Variants in CHERP observed in about 807,000 individuals in gnomAD.
CHERP encodes calcium homeostasis endoplasmic reticulum protein, also known as ERPROT 213-21.
Under a neutral mutation model 113.8 loss-of-function variants are expected in CHERP, and 8 were observed. The observed-to-expected ratio is 0.07, with a 90% CI of 0.04 to 0.13. The LOEUF is 0.13. Among genes scored for constraint, CHERP ranks in the 10% least tolerant of loss-of-function variants. The pLI is 1.00. For synonymous variants in CHERP, 559 were observed against 524.5 expected (o/e 1.07, Z -0.90); for missense variants, 884 against 1,298.2 (o/e 0.68, Z 4.90).
Position 16,519,784 on chromosome 19 carries a change from A to T in CHERP, c.2463-69T>A. ...ATTTATTGGAATGACAGTGATGAGG[A>T]CCTCACAGCCGCAGCTTGCGTGCAT... On this transcript the variant is annotated intron_variant, in intron 15 of 16. Transcript: ENST00000546361. The surrounding 1 kb of genome is among the most constrained non-coding windows in gnomAD (Gnocchi z 6.0). 1 of 1,336,992 alleles carries T rather than the reference A, an allele frequency of 7.5e-7. No individual in the cohort carries two copies. The allele number at this position is 1,336,992 out of a possible 1,614,324, so 82.8% of individuals were successfully genotyped here. A position where few individuals can be genotyped will look rare whatever the true frequency, so the allele number is the denominator to read the frequency against.
At position 16,523,402 on chromosome 19, in the gene CHERP, G is replaced by A. The variant is rs1311759207; in HGVS notation, c.1742-112C>T. ...GCCAGGAGACGAACCCCTCCTGGGA[G>A]CCTGTCCAGCATCTTCTCTCACTGC... On this transcript the variant is annotated intron_variant, in intron 10 of 16. Transcript: ENST00000546361. This position sits in a 1 kb window ranked among gnomAD's most constrained non-coding sequence, Gnocchi z 4.0. 7.9e-7 allele frequency: 1 copy of A among 1,260,388 alleles called. No homozygotes were observed. The highest frequency in any genetic ancestry group is 1.1e-6 in the Non-Finnish European group (1 of 899,016). The allele number at this position is 1,260,388 out of a possible 1,614,324, so 78.1% of individuals were successfully genotyped here. A position where few individuals can be genotyped will look rare whatever the true frequency, so the allele number is the denominator to read the frequency against.
intron 11 of CHERP, among the ~76,000 whole-genome samples, chr19:16,522,662 TC>T (rs1331594998): frequency 6.6e-6 from 1 of 152,106 alleles, no homozygotes; most frequent in Non-Finnish European, 1.5e-5. Context: ...GCCACCCCCC[TC>T]CCTGTGTGCT....
chr19:16,521,708 C>T, intron 11 of CHERP, 54 bp from the exon 12 acceptor site: 1 of 1,481,350 alleles, frequency 6.8e-7, no homozygotes, highest in South Asian at 1.4e-5. Flanking sequence ...CTCTCAGGCC[C>T]ACCCAGGGTC....
In CHERP at chr19:16,520,071, C is replaced by G. The variant is rs1326711137; in HGVS notation, c.2462+78G>C. 1.4e-6 allele frequency: 2 copies of G among 1,449,356 alleles called. No individual in the cohort carries two copies. The highest frequency in any genetic ancestry group is 2.8e-5 in the African/African-American group (2 of 71,518). 89.8% of individuals were successfully genotyped at this position (1,449,356 alleles called of 1,614,324 possible). A position where few individuals can be genotyped will look rare whatever the true frequency, so the allele number is the denominator to read the frequency against. On this transcript the variant is annotated intron_variant, in intron 15 of 16. Coordinates refer to ENST00000546361, the MANE Select transcript of CHERP (RefSeq NM_006387.6). The surrounding 1 kb of genome is among the most constrained non-coding windows in gnomAD (Gnocchi z 4.0). ...CGGCCTCCTAACACAGTCTCCTAACCACCAATGTTTCCACATTCACAGCAA... is the reference window on the plus strand; with the variant it reads ...CGGCCTCCTAACACAGTCTCCTAACGACCAATGTTTCCACATTCACAGCAA...
Position 16,532,709 on chromosome 19 carries a change from G to A in CHERP, c.563C>T (p.Pro188Leu), listed in dbSNP as rs375980525. The part of the protein sequence containing the change: ...NWMFSNAKSP[P>L]HCELMAGHLR... The stretch of plus-strand genomic sequence containing the variant: ...GTGGCCGGCCATCAGCTCACAGTGC[G>A]GCGGGGACTTGGCATTGCTGAACAT... Residue 188 changes from proline to leucine, a missense_variant, in exon 5 of 17, where the codon CCG becomes CTG. Pro to Leu is a moderately conservative substitution (Grantham distance 98). Around this residue, in one of 8 missense-constraint regions of CHERP, gnomAD observed 73 missense variants for 182.4 expected, o/e 0.40. Transcript: ENST00000546361. This position sits in a 1 kb window ranked among gnomAD's most constrained non-coding sequence, Gnocchi z 4.4. 1.7e-4 allele frequency: 277 copies of A among 1,613,170 alleles called. No individual in the cohort carries two copies. The highest frequency in any genetic ancestry group is 2.0e-4 in the Non-Finnish European group (236 of 1,179,532).
chr19:16,526,910 C>T (rs2085661174), intron 9 of CHERP, among the ~76,000 whole-genome samples: 1 of 152,128 alleles, frequency 6.6e-6, no homozygotes, highest in Non-Finnish European at 1.5e-5. Flanking sequence ...GACAGGTGTG[C>T]ACCACCATGC....
In CHERP at chr19:16,535,460, G is replaced by A. The variant is rs2085734903; in HGVS notation, c.376C>T (p.Leu126Phe). 4.4e-6 allele frequency: 7 copies of A among 1,608,362 alleles called. No individual in the cohort carries two copies. The highest frequency in any genetic ancestry group is 5.1e-6 in the Non-Finnish European group (6 of 1,177,676). Reference protein sequence around the residue: ...LQQQEQHLLALRQEQVTAAVA... With the variant: ...LQQQEQHLLAFRQEQVTAAVA... ...AGGCGGCGGGCCCATACCTGTCTGA[G>A]CGCCAGCAAGTGCTGCTCCTGCTGC... Residue 126 changes from leucine (L) to phenylalanine (F), a missense_variant, in exon 3 of 17, where the codon CTC (leucine) becomes TTC (phenylalanine). By Grantham distance (22) the Leu-to-Phe change is conservative. Around this residue, in one of 8 missense-constraint regions of CHERP, gnomAD observed 109 missense variants for 134.2 expected, o/e 0.81. Transcript: ENST00000546361. The surrounding 1 kb of genome is among the most constrained non-coding windows in gnomAD (Gnocchi z 4.3).
chr19:16,521,863 G>A (rs2085618601), intron 11 of CHERP, among the ~76,000 whole-genome samples: 1 of 152,214 alleles, frequency 6.6e-6, no homozygotes, highest in African/African-American at 2.4e-5. Flanking sequence ...GCTGCTCTGA[G>A]GCTGATGACA....
rs757641794 is a variant in CHERP, at chr19:16,528,037, C to T, written c.1305+43G>A. 5 of 1,600,216 alleles carry T rather than the reference C, an allele frequency of 3.1e-6. No individual in the cohort carries two copies. The Admixed American group carries it at 8.5e-5, about 27-fold the overall frequency. ...CATAGGGGAGGCTACCCCATCAGGC[C>T]AAGTGTGCCCCATCTGCTCCCACCC... On this transcript the variant is annotated intron_variant, in intron 9 of 16. Transcript: ENST00000546361.
Position 16,523,331 on chromosome 19 carries a change from G to T in CHERP, c.1742-41C>A. 1.3e-6 allele frequency: 2 copies of T among 1,595,876 alleles called. No individual in the cohort carries two copies. The highest frequency in any genetic ancestry group is 2.3e-5 in the East Asian group (1 of 42,888). On this transcript the variant is annotated intron_variant, in intron 10 of 16. Transcript: ENST00000546361. The surrounding 1 kb of genome is among the most constrained non-coding windows in gnomAD (Gnocchi z 4.0). ...TTGCCTCAGGACCACAGGCCAGTCA[G>T]GATCTCCCAGGCGACAAGTGCTGGA...
chr19:16,529,794 A>G lies in CHERP; in HGVS notation c.983T>C (p.Leu328Pro). 1 of 1,613,446 alleles carries G rather than the reference A, an allele frequency of 6.2e-7. No homozygotes were observed. Among genetic ancestry groups the G allele is most frequent in the Non-Finnish European group, 8.5e-7 (1 of 1,179,858 alleles). Residue 328 changes from leucine to proline, a missense_variant, in exon 8 of 17, where the codon CTG (leucine) becomes CCG (proline). Physicochemically the swap from Leu to Pro is moderately conservative, Grantham distance 98 (BLOSUM62 -3). Transcript: ENST00000546361. ...TTGCTGCTGCTGCTGCTGCTGGGCC[A>G]GGCTGGTGACAAACTCCTCGTGCTG... ...KTQHEEFVTS[L>P]AQQQQQQQQQ... is the part of the protein sequence containing the mutation.
At chr19:16,542,303 T>C (rs778746793) in intron 1 of CHERP, 51 bp downstream of exon 1, 3 of 1,390,934 alleles carry the variant, frequency 2.2e-6, no homozygotes, top group East Asian at 2.8e-5. Flanking sequence ...GGCCGGCCAA[T>C]AGGAGGTTCC....
chr19:16,542,367 C>A lies in CHERP; in HGVS notation c.12G>T (p.Pro4=), dbSNP rs1022445204. Residue 4 remains proline (P), a synonymous_variant, in exon 1 of 17, where the codon CCG becomes CCT. Coordinates refer to ENST00000546361, the MANE Select transcript of CHERP (RefSeq NM_006387.6). MEM[P]LPPDDQELRN... is the part of the protein sequence containing the mutation. ...TTTGGGTCTCACCATCGGGGGGCAGCGGCATCTCCATGGCTCCGGCCGCGG... is the reference window on the plus strand; with the variant it reads ...TTTGGGTCTCACCATCGGGGGGCAGAGGCATCTCCATGGCTCCGGCCGCGG... 2.2e-6 allele frequency: 3 copies of A among 1,389,732 alleles called. No homozygotes were observed. Among genetic ancestry groups the A allele is most frequent in the East Asian group, 2.8e-5 (1 of 35,842 alleles). 86.1% of individuals were successfully genotyped at this position (1,389,732 alleles called of 1,614,324 possible).
intron 3 of CHERP, among the ~76,000 whole-genome samples, chr19:16,533,726 C>T (rs904869124): frequency 2.0e-5 from 3 of 152,088 alleles, no homozygotes; most frequent in Non-Finnish European, 4.4e-5. Flanking sequence ...TGTACCACTG[C>T]ACTCCAGCCT....
In CHERP at chr19:16,535,054, C is replaced by T. The variant is rs1049162313; in HGVS notation, c.384+398G>A. Among the ~76,000 whole-genome samples, 35 of 151,248 alleles carry T rather than the reference C, an allele frequency of 2.3e-4. No homozygotes were observed. Among genetic ancestry groups the T allele is most frequent in the Non-Finnish European group, 1.2e-4 (8 of 67,798 alleles). On this transcript the variant is annotated intron_variant, in intron 3 of 16. Coordinates refer to ENST00000546361, the MANE Select transcript of CHERP (RefSeq NM_006387.6). This position sits in a 1 kb window ranked among gnomAD's most constrained non-coding sequence, Gnocchi z 4.3. ...TCACGCCTCTGCACTCCAGCCTGGG[C>T]GACAGAACAAGACTTAAAAAAAAAA...
chr19:16,536,838 C>A (rs2085744383), intron 2 of CHERP, among the ~76,000 whole-genome samples: 2 of 152,130 alleles, frequency 1.3e-5, no homozygotes, highest in Admixed American at 1.3e-4. Flanking sequence ...CAACATGGCC[C>A]TGTCTCTACT....
chr19:16,537,289 C>T (rs1311709056), intron 2 of CHERP, among the ~76,000 whole-genome samples: 1 of 151,848 alleles, frequency 6.6e-6, no homozygotes, highest in African/African-American at 2.4e-5. Context: ...GTCCCTTTCT[C>T]CCCCTTTACC....
chr19:16,541,725 A>G, intron 2 of CHERP, 145 bp downstream of exon 2: 1 of 855,082 alleles, frequency 1.2e-6, no homozygotes, highest in Non-Finnish European at 1.8e-6. Flanking sequence ...GGCCGTGGGA[A>G]CAGCGGAACA....
In CHERP at chr19:16,519,168, C is replaced by T. The variant is rs756725468; in HGVS notation, c.2742G>A (p.Glu914=). 1 of 1,613,272 alleles carries T rather than the reference C, an allele frequency of 6.2e-7. No homozygotes were observed. The highest frequency in any genetic ancestry group is 1.1e-5 in the South Asian group (1 of 90,998). ...SFIARMKARD[E]CK is the part of the protein sequence containing the mutation. ...CTCCCGGCATGGGCGCCTACTTACA[C>T]TCGTCCCTGGCCTTCATGCGGGCGA... The change falls in exon 17 of 17, where the codon GAG becomes GAA. Residue 914 remains glutamate (E), a synonymous_variant. Coordinates refer to ENST00000546361, the MANE Select transcript of CHERP (RefSeq NM_006387.6). This position sits in a 1 kb window ranked among gnomAD's most constrained non-coding sequence, Gnocchi z 6.0.
Sources: gnomAD v4.1 joint callset for allele counts (sites outside exome capture counted in the v4.1 genomes callset) on GRCh38, gnomAD v4.1.1 for gene constraint, gnomAD v4.1.1 regional missense constraint, Gnocchi (gnomAD v3.1) non-coding constraint, MANE v1.5 for transcripts, NCBI Gene and HGNC (gene_info 2026-07-23, HGNC 2026-07-21) for gene names.